NAGA: variants seen among roughly 807,000 people sequenced by gnomAD.
The protein encoded by NAGA is alpha-N-acetylgalactosaminidase, also known as Acetylgalactosaminidase, alpha-N- (alpha-galactosidase B).
NAGA carries 42 observed loss-of-function variants against 45.6 expected under a neutral mutation model. The observed-to-expected ratio is 0.92, with a 90% CI of 0.72 to 1.19. The LOEUF is 1.19. Ranked by LOEUF, NAGA falls within the 50% of genes most tolerant of loss-of-function variation. The probability of loss-of-function intolerance (pLI) is 0.00; values close to 1 mark genes in which losing one functional copy is unlikely to be tolerated. For synonymous variants in NAGA, 176 were observed against 203.1 expected (o/e 0.87, Z 1.13); for missense variants, 493 against 544.8 (o/e 0.90, Z 0.95).
chr22:42,067,849 G>T lies in NAGA; in HGVS notation c.240C>A (p.Cys80Ter). The change falls in exon 3 of 9, where the codon TGC becomes TGA. Residue 80 changes from cysteine (C) to a stop codon, truncating the protein, a stop_gained. Coordinates refer to ENST00000396398, the MANE Select transcript of NAGA (RefSeq NM_000262.3). LOFTEE classifies it high-confidence loss of function. Reference protein sequence around the residue: ...MGYTYLNIDDCWIGGRDASGR... With the variant: ...MGYTYLNIDD Reference sequence around the variant, plus strand: ...CACTGGCATCGCGACCACCGATCCAGCAGTCATCAATGTTGAGGTATGTGT... The same window carrying T: ...CACTGGCATCGCGACCACCGATCCATCAGTCATCAATGTTGAGGTATGTGT... The T allele has an allele frequency of 6.2e-7, 1 of 1,613,240 alleles. No individual in the cohort carries two copies.
In NAGA at chr22:42,060,140, G is replaced by C; in HGVS notation, c.*139C>G. The C allele has an allele frequency of 3.5e-6, 4 of 1,157,664 alleles. No individual in the cohort carries two copies. The highest frequency in any genetic ancestry group is 5.1e-6 in the Non-Finnish European group (4 of 783,930). The allele number at this position is 1,157,664 out of a possible 1,614,324, so 71.7% of individuals were successfully genotyped here. A position where few individuals can be genotyped will look rare whatever the true frequency, so the allele number is the denominator to read the frequency against. Reference sequence around the variant, plus strand: ...GACAGGGCATAGAACCTGGCCGTGAGATTGCACTTTGGGTATGATGGGGTC... The same window carrying C: ...GACAGGGCATAGAACCTGGCCGTGACATTGCACTTTGGGTATGATGGGGTC... On this transcript the variant is annotated 3_prime_UTR_variant, in exon 9 of 9. Coordinates refer to ENST00000396398, the MANE Select transcript of NAGA (RefSeq NM_000262.3).
In NAGA at chr22:42,070,607, C is replaced by A; in HGVS notation, c.-310G>T. The A allele has an allele frequency of 1.9e-6, 1 of 519,976 alleles. No homozygotes were observed. The highest frequency in any genetic ancestry group is 3.5e-6 in the Non-Finnish European group (1 of 286,912). The allele number at this position is 519,976 out of a possible 1,614,324, so 32.2% of individuals were successfully genotyped here. On this transcript the variant is annotated 5_prime_UTR_variant, in exon 1 of 9. Coordinates refer to ENST00000396398, the MANE Select transcript of NAGA (RefSeq NM_000262.3). ...AGGGCCTACGGGCCGCCTTCGGCCCCGCCCGGGCTCAGAAAAAGGCAGCCA... is the reference window on the plus strand; with the variant it reads ...AGGGCCTACGGGCCGCCTTCGGCCCAGCCCGGGCTCAGAAAAAGGCAGCCA...
At chr22:42,061,395 A>G (rs1030349240) in intron 7 of NAGA, among the ~76,000 whole-genome samples, 7 of 152,238 alleles carry the variant, frequency 4.6e-5, no homozygotes, top group Non-Finnish European at 7.3e-5. Context: ...ACAACAGTAC[A>G]GCGTATGAGT....
rs1302153591 is a variant in NAGA, at chr22:42,059,823, C to G, written c.*456G>C. On this transcript the variant is annotated 3_prime_UTR_variant, in exon 9 of 9. Transcript: ENST00000396398. ...GAGCCAAGGTCTCCTTTGTGACCCT[C>G]ACTCCCAGGTGGTATCAGGCTGCAA... The G allele has an allele frequency of 4.9e-6, 1 of 204,708 alleles. No individual in the cohort carries two copies. Among genetic ancestry groups the G allele is most frequent in the East Asian group, 1.1e-4 (1 of 9,148 alleles). The allele number at this position is 204,708 out of a possible 1,614,324, so 12.7% of individuals were successfully genotyped here.
intron 8 of NAGA, among the ~76,000 whole-genome samples, 165 bp downstream of exon 8, chr22:42,060,759 C>T (rs150170727): frequency 4.3e-4 from 65 of 152,292 alleles, no homozygotes; most frequent in East Asian, 2.9e-3. Flanking sequence ...GTGCAGAGCA[C>T]GGCACTGGCT....
Position 42,060,163 on chromosome 22 carries a change from G to C in NAGA, c.*116C>G. The C allele has an allele frequency of 7.4e-7, 1 of 1,360,264 alleles. No homozygotes were observed. The highest frequency in any genetic ancestry group is 1.0e-6 in the Non-Finnish European group (1 of 964,090). The allele number at this position is 1,360,264 out of a possible 1,614,324, so 84.3% of individuals were successfully genotyped here. On this transcript the variant is annotated 3_prime_UTR_variant, in exon 9 of 9. Coordinates refer to ENST00000396398, the MANE Select transcript of NAGA (RefSeq NM_000262.3). Reference sequence around the variant, plus strand: ...GAGATTGCACTTTGGGTATGATGGGGTCAGTCACCGAGCAGGCCTGGGGAG... The same window carrying C: ...GAGATTGCACTTTGGGTATGATGGGCTCAGTCACCGAGCAGGCCTGGGGAG...
In NAGA at chr22:42,067,179, C is replaced by T. The variant is rs527897232; in HGVS notation, c.436G>A (p.Ala146Thr). The T allele has an allele frequency of 1.6e-5, 26 of 1,614,166 alleles. No individual in the cohort carries two copies. The South Asian group carries it at 2.2e-4, about 14-fold the overall frequency. The change falls in exon 4 of 9, where the codon GCC (alanine) becomes ACC (threonine). Residue 146 changes from alanine (A) to threonine (T), a missense_variant. Transcript: ENST00000396398. ...DKVVQDAQTFAEWKVDMLKLD... is the reference protein window; with the variant it reads ...DKVVQDAQTFTEWKVDMLKLD... ...TTGAGCATGTCTACCTTCCACTCGG[C>T]GAAGGTCTGAGCATCCTGGACCACC...
rs761067887 is a variant in NAGA at position 42,067,198 on chromosome 22, G to A, written c.417C>T (p.Val139=). ...ACTCGGCGAAGGTCTGAGCATCCTGGACCACCTTGTCCAGTGTGGTGCCTG... is the reference window on the plus strand; with the variant it reads ...ACTCGGCGAAGGTCTGAGCATCCTGAACCACCTTGTCCAGTGTGGTGCCTG... ...GYPGTTLDKV[V]QDAQTFAEWK... Residue 139 remains valine, a synonymous_variant, in exon 4 of 9, where the codon GTC becomes GTT. Coordinates refer to ENST00000396398, the MANE Select transcript of NAGA (RefSeq NM_000262.3). 2 of 1,614,134 alleles carry A rather than the reference G, an allele frequency of 1.2e-6. No individual in the cohort carries two copies. The highest frequency in any genetic ancestry group is 2.2e-5 in the East Asian group (1 of 44,876).
chr22:42,060,520 G>T, intron 8 of NAGA, 107 bp from the exon 9 acceptor site: 1 of 1,503,830 alleles, frequency 6.6e-7, no homozygotes, highest in Non-Finnish European at 9.1e-7. Flanking sequence ...GCCTGTCTGT[G>T]CTGGGCTTCC....
rs1419350078 is a variant in NAGA, at chr22:42,067,918, C to G, written c.171G>C (p.Glu57Asp). The G allele has an allele frequency of 1.2e-6, 2 of 1,613,546 alleles. No homozygotes were observed. Among genetic ancestry groups the G allele is most frequent in the South Asian group, 2.2e-5 (2 of 91,084 alleles). ...KNCISEQLFM[E>D]MADRMAQDGW... is the part of the protein sequence containing the mutation. ...CATCCTGTGCCATCCGGTCAGCCAT[C>G]TCCATGAAGAGCTGTTCACTAGTGA... The change falls in exon 3 of 9, where the codon GAG becomes GAC. Residue 57 changes from glutamate (E) to aspartate (D), a missense_variant. Glu to Asp is a conservative substitution (Grantham distance 45). Coordinates refer to ENST00000396398, the MANE Select transcript of NAGA (RefSeq NM_000262.3).
chr22:42,060,147 CT>C lies in NAGA; in HGVS notation c.*131del. 1 of 1,238,640 alleles carries C rather than the reference CT, an allele frequency of 8.1e-7. No individual in the cohort carries two copies. The highest frequency in any genetic ancestry group is 1.2e-6 in the Non-Finnish European group (1 of 856,040). 76.7% of individuals were successfully genotyped at this position (1,238,640 alleles called of 1,614,324 possible). A position where few individuals can be genotyped will look rare whatever the true frequency, so the allele number is the denominator to read the frequency against. ...CATAGAACCTGGCCGTGAGATTGCA[CT>C]TTGGGTATGATGGGGTCAGTCACCG... On this transcript the variant is annotated 3_prime_UTR_variant, in exon 9 of 9. Coordinates refer to ENST00000396398, the MANE Select transcript of NAGA (RefSeq NM_000262.3).
In NAGA at chr22:42,068,386, G is replaced by A. The variant is rs577572110; in HGVS notation, c.152+53C>T. ...AGTGGACTCTCCACTTCCTGCCCCC[G>A]AATCTGCAGGGCCCTGGGCAAGGCT... On this transcript the variant is annotated intron_variant, in intron 2 of 8. Coordinates refer to ENST00000396398, the MANE Select transcript of NAGA (RefSeq NM_000262.3). The A allele has an allele frequency of 4.2e-5, 67 of 1,613,682 alleles. 2 individuals are homozygous for A. In the South Asian group the frequency reaches 4.8e-4, roughly 12 times the overall value.
intron 4 of NAGA, 36 bp downstream of exon 4, chr22:42,067,077 G>A (rs576078850): frequency 8.6e-5 from 138 of 1,611,896 alleles, no homozygotes; most frequent in Admixed American, 1.2e-4. Flanking sequence ...CACCCTCCCC[G>A]TTTGCCTACG....
Position 42,067,213 on chromosome 22 carries a change from T to C in NAGA, c.402A>G (p.Thr134=). ...GAGCATCCTGGACCACCTTGTCCAG[T>C]GTGGTGCCTGGGTAACCCATGCAGG... is the stretch of plus-strand genomic sequence containing the variant. ...NFTCMGYPGT[T]LDKVVQDAQT... The change falls in exon 4 of 9, where the codon ACA becomes ACG. Residue 134 remains threonine (T), a synonymous_variant. Transcript: ENST00000396398. 6.2e-7 allele frequency: 1 copy of C among 1,614,004 alleles called. No individual in the cohort carries two copies. Among genetic ancestry groups the C allele is most frequent in the Non-Finnish European group, 8.5e-7 (1 of 1,179,964 alleles).
intron 3 of NAGA, 24 bp from the exon 4 acceptor site, chr22:42,067,314 G>A: frequency 1.2e-6 from 2 of 1,613,578 alleles, no homozygotes; most frequent in Non-Finnish European, 1.7e-6. Flanking sequence ...AGGACACAGT[G>A]GGCTCAAGCA....
chr22:42,061,002 G>A lies in NAGA; in HGVS notation c.1023C>T (p.Phe341=). 1 of 1,614,232 alleles carries A rather than the reference G, an allele frequency of 6.2e-7. No homozygotes were observed. Among genetic ancestry groups the A allele is most frequent in the Admixed American group, 1.7e-5 (1 of 60,030 alleles). Residue 341 remains phenylalanine, a synonymous_variant, in exon 8 of 9, where the codon TTC becomes TTT. Coordinates refer to ENST00000396398, the MANE Select transcript of NAGA (RefSeq NM_000262.3). ...LSNKASALVF[F]SCRTDMPYRY... ...GATAAGGCATATCGGTCCTGCAGCT[G>A]AAGAAGACTAAGGCGCTAGCCTTGT... is the stretch of plus-strand genomic sequence containing the variant.
chr22:42,061,277 T>G (rs968839654), intron 7 of NAGA, among the ~76,000 whole-genome samples: 4 of 152,148 alleles, frequency 2.6e-5, no homozygotes, highest in Admixed American at 6.5e-5. Flanking sequence ...CAACACCTAC[T>G]CTGAGCCCGG....
chr22:42,067,273 C>T lies in NAGA; in HGVS notation c.342G>A (p.Leu114=), dbSNP rs922913161. The T allele has an allele frequency of 6.2e-7, 1 of 1,614,138 alleles. No homozygotes were observed. The highest frequency in any genetic ancestry group is 8.5e-7 in the Non-Finnish European group (1 of 1,180,012). Residue 114 remains leucine (L), a synonymous_variant, in exon 4 of 9, where the codon CTG becomes CTA. Coordinates refer to ENST00000396398, the MANE Select transcript of NAGA (RefSeq NM_000262.3). ...CCATGTCCGCGTAGATACCCAACTT[C>T]AGGCCCAGGGAGTGAACCTGTGGGG... ...FLADYVHSLG[L]KLGIYADMGN...
At chr22:42,067,395 C>T in intron 3 of NAGA, 105 bp from the exon 4 acceptor site, 1 of 1,404,678 alleles carries the variant, frequency 7.1e-7, no homozygotes, top group Non-Finnish European at 9.9e-7. Flanking sequence ...TCCCACGGAC[C>T]AAAGGAGATG....
Sources: allele counts gnomAD v4.1 joint callset (sites outside exome capture counted in the v4.1 genomes callset), GRCh38; gene constraint gnomAD v4.1.1; transcripts MANE v1.5; gene names NCBI Gene and HGNC (gene_info 2026-07-23, HGNC 2026-07-21).